PTPRD: variants seen among roughly 807,000 people sequenced by gnomAD.
The protein encoded by PTPRD is receptor-type tyrosine-protein phosphatase delta.
In PTPRD, 34 loss-of-function variants were observed where a neutral mutation model predicts 214.5. That is an observed-to-expected ratio of 0.16 (90% confidence interval 0.12 to 0.21). PTPRD has a LOEUF of 0.21. PTPRD is among the 10% of genes least tolerant of loss of function. PTPRD has a pLI of 1.00. For missense variants in PTPRD, 2,545 were observed against 2,398.7 expected, an observed-to-expected ratio of 1.06 and a Z score of -1.27; for synonymous variants, 1,128 against 845.7, an observed-to-expected ratio of 1.33 and a Z score of -5.79.
intron 8 of PTPRD, among the ~76,000 whole-genome samples, chr9:9,467,368 G>T (rs898655005): frequency 4.7e-5 from 7 of 150,404 alleles, no homozygotes; most frequent in Non-Finnish European, 8.9e-5. Flanking sequence ...CTGATGGATC[G>T]TCTGAGGTCA....
chr9:8,754,846 A>T (rs1208957022), intron 11 of PTPRD, among the ~76,000 whole-genome samples: 1 of 152,210 alleles, frequency 6.6e-6, no homozygotes, highest in East Asian at 1.9e-4. Context: ...GAAGCTATCC[A>T]TTTCTATTGT....
chr9:8,511,756 G>C (rs2097687023), intron 21 of PTPRD, among the ~76,000 whole-genome samples: 1 of 152,024 alleles, frequency 6.6e-6, no homozygotes, highest in Non-Finnish European at 1.5e-5. Flanking sequence ...TACTGTAAAA[G>C]TATGTCCGCC....
chr9:10,185,966 T>C (rs2099328458), intron 3 of PTPRD, among the ~76,000 whole-genome samples: 1 of 152,156 alleles, frequency 6.6e-6, no homozygotes, highest in Admixed American at 6.5e-5. Flanking sequence ...CTTTTGTTTG[T>C]CAACATTTGA....
chr9:10,160,596 G>A (rs956500692), intron 3 of PTPRD, among the ~76,000 whole-genome samples: 1 of 151,846 alleles, frequency 6.6e-6, no homozygotes, highest in Non-Finnish European at 1.5e-5. Context: ...TAAAGGCTAT[G>A]TAAGCCAAGC....
chr9:9,959,469 C>T (rs993818547), intron 4 of PTPRD, among the ~76,000 whole-genome samples: 4 of 152,084 alleles, frequency 2.6e-5, no homozygotes, highest in African/African-American at 9.7e-5. Flanking sequence ...AATTTTACAG[C>T]ACAGAGTAAA....
At chr9:9,284,139 T>C (rs1948648328) in intron 9 of PTPRD, among the ~76,000 whole-genome samples, 1 of 151,680 alleles carries the variant, frequency 6.6e-6, no homozygotes, top group African/African-American at 2.4e-5. Flanking sequence ...ACATACTTAA[T>C]TTAATTAAAC....
chr9:9,779,486 G>C (rs1004609976), intron 5 of PTPRD, among the ~76,000 whole-genome samples: 2 of 151,954 alleles, frequency 1.3e-5, no homozygotes, highest in Admixed American at 1.3e-4. Flanking sequence ...GAATGTATAA[G>C]AAACTTAAAC....
chr9:9,202,747 T>A (rs901953243), intron 9 of PTPRD, among the ~76,000 whole-genome samples: 2 of 152,240 alleles, frequency 1.3e-5, no homozygotes, highest in African/African-American at 4.8e-5. Flanking sequence ...GAGGACATGC[T>A]CAGTTAGCAC....
At chr9:8,962,353 G>C (rs1239412072) in intron 11 of PTPRD, among the ~76,000 whole-genome samples, 1 of 152,104 alleles carries the variant, frequency 6.6e-6, no homozygotes, top group Non-Finnish European at 1.5e-5. Context: ...GATTCAGAGA[G>C]GCTAATATGT....
At chr9:9,484,699 T>C (rs1589599815) in intron 8 of PTPRD, among the ~76,000 whole-genome samples, 1 of 152,168 alleles carries the variant, frequency 6.6e-6, no homozygotes, top group East Asian at 1.9e-4. Context: ...AAAACTGAGG[T>C]ACAAGGAAGA....
At chr9:10,121,731 G>C (rs145078415) in intron 3 of PTPRD, among the ~76,000 whole-genome samples, 1 of 152,228 alleles carries the variant, frequency 6.6e-6, no homozygotes, top group East Asian at 1.9e-4. Context: ...CAATAACTCT[G>C]TAACTTAAAT....
intron 2 of PTPRD, among the ~76,000 whole-genome samples, chr9:10,495,441 A>T (rs1450638003): frequency 6.6e-6 from 1 of 151,818 alleles, no homozygotes; most frequent in Non-Finnish European, 1.5e-5. Flanking sequence ...AGTATTTCTC[A>T]CCTAAAATGA....
intron 12 of PTPRD, chr9:8,713,647 A>T (rs1196734363): frequency 6.6e-7 from 1 of 1,522,996 alleles, no homozygotes; most frequent in Non-Finnish European, 9.0e-7. Flanking sequence ...CTACCGAGAC[A>T]TGGGCGCCCG....
At chr9:10,277,929 C>T (rs573495003) in intron 3 of PTPRD, among the ~76,000 whole-genome samples, 54 of 152,108 alleles carry the variant, frequency 3.6e-4, no homozygotes, top group African/African-American at 1.2e-3. Flanking sequence ...GAGGGTGAGG[C>T]GGGCGGATCA....
chr9:9,860,754 TACTGATCCACACC>T (rs111686861), intron 5 of PTPRD, among the ~76,000 whole-genome samples: 64 of 152,278 alleles, frequency 4.2e-4, no homozygotes, highest in African/African-American at 1.4e-3. Context: ...TGTAGTTCAT[TACTGATCCACACC>T]ACAGGGGTCT....
intron 21 of PTPRD, among the ~76,000 whole-genome samples, chr9:8,507,742 A>C (rs1438608356): frequency 1.3e-5 from 2 of 152,232 alleles, no homozygotes. Context: ...GTTGTTAGTA[A>C]TAAATAATAT....
intron 14 of PTPRD, among the ~76,000 whole-genome samples, chr9:8,571,810 G>A (rs758419911): frequency 2.4e-4 from 37 of 152,086 alleles, no homozygotes; most frequent in East Asian, 3.9e-4. Flanking sequence ...CTGGAGCTGC[G>A]GAAATTGCCC....
intron 21 of PTPRD, among the ~76,000 whole-genome samples, chr9:8,514,572 C>G (rs995343337): frequency 6.7e-5 from 10 of 148,858 alleles, no homozygotes; most frequent in African/African-American, 2.2e-4. Context: ...TACTTCTGCA[C>G]TGGAATAATC....
chr9:9,013,087 CTTGT>C (rs1027592708), intron 11 of PTPRD, among the ~76,000 whole-genome samples: 1 of 152,048 alleles, frequency 6.6e-6, no homozygotes, highest in Admixed American at 6.6e-5. Flanking sequence ...TGTTTGTTTG[CTTGT>C]TTGTTTTTTA....
Sources: gnomAD v4.1 joint callset for allele counts (sites outside exome capture counted in the v4.1 genomes callset) on GRCh38, gnomAD v4.1.1 for gene constraint, MANE v1.5 for transcripts, NCBI Gene and HGNC (gene_info 2026-07-23, HGNC 2026-07-21) for gene names.